TPST2: variants seen among roughly 807,000 people sequenced by gnomAD.
TPST2 encodes tyrosylprotein sulfotransferase 2.
Under a neutral mutation model 27.8 loss-of-function variants are expected in TPST2, and 16 were observed. That is an observed-to-expected ratio of 0.58 (90% CI 0.39 to 0.88). TPST2 has a LOEUF of 0.88. Among genes scored for constraint, TPST2 ranks in the 40% least tolerant of loss-of-function variants. TPST2 has a pLI of 0.00. For missense variants in TPST2, 464 were observed against 543.1 expected (o/e 0.85, Z 1.45); for synonymous variants, 229 against 231.7 (o/e 0.99, Z 0.10).
In TPST2 at chr22:26,574,973, G is replaced by A. The variant is rs112117190; in HGVS notation, c.-161+15080C>T. Among the ~76,000 whole-genome samples, 657 of 152,160 alleles carry A rather than the reference G, an allele frequency of 4.3e-3. 2 individuals carry two copies. Among genetic ancestry groups the A allele is most frequent in the Non-Finnish European group, 7.3e-3 (494 of 67,984 alleles). ...TGAACTTCCCCACCCTGTCCATCCC[G>A]GGACCATCTAAGGGACTCCAGCAGG... On this transcript the variant is annotated intron_variant, in intron 1 of 6. Transcript: ENST00000338754.
chr22:26,583,192 T>C (rs1366897017), intron 1 of TPST2, among the ~76,000 whole-genome samples: 2 of 151,056 alleles, frequency 1.3e-5, no homozygotes, highest in Non-Finnish European at 2.9e-5. Flanking sequence ...CCCAGTACTT[T>C]GGGAGGCTGA....
At chr22:26,578,000 T>A (rs528482468) in intron 1 of TPST2, among the ~76,000 whole-genome samples, 1 of 152,216 alleles carries the variant, frequency 6.6e-6, no homozygotes, top group South Asian at 2.1e-4. Flanking sequence ...AACATTATCA[T>A]GTAGCTGGAG....
At chr22:26,529,524 T>C (rs1259312229) in intron 5 of TPST2, among the ~76,000 whole-genome samples, 1 of 152,114 alleles carries the variant, frequency 6.6e-6, no homozygotes, top group East Asian at 1.9e-4. Flanking sequence ...GAGCTGGAGA[T>C]TGGGCAATCA....
intron 1 of TPST2, among the ~76,000 whole-genome samples, chr22:26,556,206 C>T (rs1438365016): frequency 6.6e-6 from 1 of 152,084 alleles, no homozygotes; most frequent in African/African-American, 2.4e-5. Context: ...TAATCACTGT[C>T]ATCTGCAAGC....
Position 26,541,432 on chromosome 22 carries a change from C to A in TPST2, c.199G>T (p.Ala67Ser). The A allele has an allele frequency of 6.3e-7, 1 of 1,589,566 alleles. No homozygotes were observed. The highest frequency in any genetic ancestry group is 1.1e-5 in the South Asian group (1 of 87,346). Residue 67 changes from alanine to serine, a missense_variant, in exon 3 of 7, where the codon GCC (alanine) becomes TCC (serine). Transcript: ENST00000338754. The surrounding 1 kb of genome is among the most constrained non-coding windows in gnomAD (Gnocchi z 5.9). ...TNHVEYRYGK[A>S]MPLIFVGGVP... ...CCACCCACGAAGATGAGCGGCATGGCCTTGCCATAGCGGTATTCCACGTGG... is the reference window on the plus strand; with the variant it reads ...CCACCCACGAAGATGAGCGGCATGGACTTGCCATAGCGGTATTCCACGTGG...
intron 1 of TPST2, among the ~76,000 whole-genome samples, chr22:26,576,867 C>T (rs1927857851): frequency 1.3e-5 from 2 of 151,598 alleles, no homozygotes; most frequent in African/African-American, 2.4e-5. Flanking sequence ...GAGGCCGAGG[C>T]GGGTGGATCA....
intron 1 of TPST2, among the ~76,000 whole-genome samples, chr22:26,576,694 G>A (rs1016647248): frequency 2.6e-5 from 4 of 151,966 alleles, no homozygotes; most frequent in Admixed American, 1.3e-4. Context: ...ACAAAGCCGG[G>A]CACAGTAGCT....
chr22:26,571,425 G>A (rs191582346), intron 1 of TPST2, among the ~76,000 whole-genome samples: 3 of 151,816 alleles, frequency 2.0e-5, no homozygotes, highest in East Asian at 2.0e-4. Flanking sequence ...CTCACCCTGC[G>A]TGATTTTTTT....
At chr22:26,548,750 C>T (rs1296306524) in intron 1 of TPST2, among the ~76,000 whole-genome samples, 1 of 151,326 alleles carries the variant, frequency 6.6e-6, no homozygotes, top group East Asian at 2.0e-4. Flanking sequence ...TCGCTTGAGC[C>T]CAGGAGTTTG....
At chr22:26,588,752 C>G (rs1040754633) in intron 1 of TPST2, among the ~76,000 whole-genome samples, 2 of 151,916 alleles carry the variant, frequency 1.3e-5, no homozygotes, top group Admixed American at 1.3e-4. Flanking sequence ...GAAAATGCGT[C>G]GCCCGGGCCA....
chr22:26,545,550 A>T (rs1022410455), intron 1 of TPST2, among the ~76,000 whole-genome samples: 1 of 152,144 alleles, frequency 6.6e-6, no homozygotes, highest in African/African-American at 2.4e-5. Context: ...ACCTTCCCCC[A>T]TTTTACAGAT....
intron 1 of TPST2, among the ~76,000 whole-genome samples, chr22:26,557,246 G>A (rs951529723): frequency 6.6e-6 from 1 of 152,234 alleles, no homozygotes; most frequent in Non-Finnish European, 1.5e-5. Flanking sequence ...CGCAGTGGAT[G>A]AGGGGAGGCA....
At chr22:26,575,476 G>C (rs1262248601) in intron 1 of TPST2, among the ~76,000 whole-genome samples, 1 of 152,122 alleles carries the variant, frequency 6.6e-6, no homozygotes, top group Non-Finnish European at 1.5e-5. Context: ...CCTTCCTGCT[G>C]CATCCTCCGG....
intron 1 of TPST2, among the ~76,000 whole-genome samples, chr22:26,565,926 T>C (rs1016003608): frequency 6.6e-6 from 1 of 152,176 alleles, no homozygotes; most frequent in Non-Finnish European, 1.5e-5. Context: ...TTCATAAAAT[T>C]GATAGTTGAA....
At position 26,573,391 on chromosome 22, in the gene TPST2, C is replaced by T. The variant is rs561864678; in HGVS notation, c.-161+16662G>A. Among the ~76,000 whole-genome samples the T allele has an allele frequency of 2.0e-5, 3 of 152,366 alleles. No individual in the cohort carries two copies. The East Asian group carries it at 5.8e-4, about 29-fold the overall frequency. The stretch of plus-strand genomic sequence containing the variant: ...AGCTGGGGCCAGTCACTGACTCCGA[C>T]TTCCGCCCCAACAATGCGGATTTGA... On this transcript the variant is annotated intron_variant, in intron 1 of 6. Transcript: ENST00000338754.
rs567893654 is a variant in TPST2, at chr22:26,540,425, C to G, written c.842+364G>C. The stretch of plus-strand genomic sequence containing the variant: ...GACCAGCCTGGGCAACAGGGCAAAC[C>G]CCATCTCTACCAAAAATACAAAAAT... On this transcript the variant is annotated intron_variant, in intron 3 of 6. Transcript: ENST00000338754. Among the ~76,000 whole-genome samples the G allele has an allele frequency of 3.3e-5, 5 of 152,230 alleles. No individual in the cohort carries two copies. In the South Asian group the frequency reaches 1.0e-3, roughly 32 times the overall value.
intron 1 of TPST2, among the ~76,000 whole-genome samples, chr22:26,563,780 T>A (rs1271047453): frequency 6.6e-6 from 1 of 152,144 alleles, no homozygotes; most frequent in African/African-American, 2.4e-5. Context: ...TGCCCATGCA[T>A]GAAAGGTGCC....
intron 4 of TPST2, chr22:26,535,931 A>G: frequency 2.6e-6 from 1 of 381,174 alleles, no homozygotes; most frequent in Non-Finnish European, 5.1e-6. Flanking sequence ...ATTTATTTAT[A>G]CCCCCTCTCA....
At chr22:26,562,958 A>G (rs1342277167) in intron 1 of TPST2, among the ~76,000 whole-genome samples, 2 of 152,166 alleles carry the variant, frequency 1.3e-5, no homozygotes, top group Admixed American at 1.3e-4. Flanking sequence ...TGGTGTTACA[A>G]TTAGGGATCA....
Sources: allele counts gnomAD v4.1 joint callset (sites outside exome capture counted in the v4.1 genomes callset), GRCh38; gene constraint gnomAD v4.1.1; non-coding constraint Gnocchi (gnomAD v3.1); transcripts MANE v1.5; gene names NCBI Gene and HGNC (gene_info 2026-07-23, HGNC 2026-07-21).